The following PLXNA4 variants were observed in gnomAD, a reference collection of about 807,000 sequenced individuals.
The protein encoded by PLXNA4 is plexin A4.
PLXNA4 carries 44 observed loss-of-function variants against 191.8 expected under a neutral mutation model. The ratio of observed to expected loss-of-function variants is 0.23; its 90% CI spans 0.18 to 0.29. The LOEUF (loss-of-function observed/expected upper bound fraction) is 0.29, where lower values mean the gene tolerates loss of function less well. Ranked by LOEUF, PLXNA4 falls within the 10% of genes least tolerant of loss-of-function variation. The pLI is 1.00. For missense variants in PLXNA4, 1,800 were observed against 2,488.8 expected, an observed-to-expected ratio of 0.72 and a Z score of 5.89; for synonymous variants, 1,082 against 1,009.5, an observed-to-expected ratio of 1.07 and a Z score of -1.36.
intron 3 of PLXNA4, among the ~76,000 whole-genome samples, chr7:132,326,518 G>A (rs964072795): frequency 9.9e-5 from 15 of 151,886 alleles, no homozygotes; most frequent in African/African-American, 2.4e-4. Flanking sequence ...CTCATTTCCC[G>A]TCCTTCCCCT....
At chr7:132,477,985 T>C (rs1233319782) in intron 3 of PLXNA4, among the ~76,000 whole-genome samples, 1 of 152,128 alleles carries the variant, frequency 6.6e-6, no homozygotes, top group Non-Finnish European at 1.5e-5. Flanking sequence ...GAATCCACAT[T>C]TCCTACCCAA....
chr7:132,451,034 C>T (rs1796102392), intron 3 of PLXNA4, among the ~76,000 whole-genome samples: 1 of 152,062 alleles, frequency 6.6e-6, no homozygotes, highest in Admixed American at 6.5e-5. Flanking sequence ...GTAGATTATA[C>T]AAACCCAGAA....
chr7:132,226,215 C>T lies in PLXNA4; in HGVS notation c.1928G>A (p.Gly643Asp). ...VQLQLKSKETGMTFASTSFVF... is the reference protein window; with the variant it reads ...VQLQLKSKETDMTFASTSFVF... ...AAAGCTGGTGCTGGCGAAGGTCATG[C>T]CGGTCTCCTTTGATTTGAGCTGAAG... The change falls in exon 8 of 32, where the codon GGC becomes GAC. Residue 643 changes from glycine to aspartate, a missense_variant. By Grantham distance (94) the Gly-to-Asp change is moderately conservative. Coordinates refer to ENST00000321063, the MANE Select transcript of PLXNA4 (RefSeq NM_020911.2). The T allele has an allele frequency of 6.2e-7, 1 of 1,613,892 alleles. No individual in the cohort carries two copies. The highest frequency in any genetic ancestry group is 8.5e-7 in the Non-Finnish European group (1 of 1,179,956).
chr7:132,385,808 A>C lies in PLXNA4; in HGVS notation c.1372-87586T>G, dbSNP rs534828330. Among the ~76,000 whole-genome samples the C allele has an allele frequency of 3.3e-5, 5 of 152,350 alleles. No homozygotes were observed. The East Asian group carries it at 9.7e-4, about 29-fold the overall frequency. ...CCTGTGGCCAACCTTGCCCCTCACTAATAATTTGCACAAATTAAAAGATAA... is the reference window on the plus strand; with the variant it reads ...CCTGTGGCCAACCTTGCCCCTCACTCATAATTTGCACAAATTAAAAGATAA... On this transcript the variant is annotated intron_variant, in intron 3 of 31. Coordinates refer to ENST00000321063, the MANE Select transcript of PLXNA4 (RefSeq NM_020911.2).
At chr7:132,360,882 G>T (rs536722921) in intron 3 of PLXNA4, among the ~76,000 whole-genome samples, 1 of 152,298 alleles carries the variant, frequency 6.6e-6, no homozygotes, top group South Asian at 2.1e-4. Context: ...GGAGATGGGG[G>T]CCACATCTGC....
At chr7:132,456,744 A>G (rs531369849) in intron 3 of PLXNA4, among the ~76,000 whole-genome samples, 1 of 152,262 alleles carries the variant, frequency 6.6e-6, no homozygotes, top group Non-Finnish European at 1.5e-5. Context: ...TGACGAATCA[A>G]TCAGAAAGGC....
At chr7:132,219,573 T>G (rs962708274) in intron 9 of PLXNA4, among the ~76,000 whole-genome samples, 4 of 152,198 alleles carry the variant, frequency 2.6e-5, no homozygotes, top group Admixed American at 2.6e-4. Flanking sequence ...CAGATTATCG[T>G]GCTGTGAGTA....
chr7:132,590,078 A>G (rs80094064), intron 2 of PLXNA4, among the ~76,000 whole-genome samples: 4,901 of 152,332 alleles, frequency 0.032, 243 homozygotes, highest in African/African-American at 0.1. Context: ...ATACACACAT[A>G]ACAATTCAAC....
intron 1 of PLXNA4, among the ~76,000 whole-genome samples, chr7:132,517,658 C>T (rs1798994361): frequency 6.6e-6 from 1 of 152,212 alleles, no homozygotes; most frequent in South Asian, 2.1e-4. Flanking sequence ...TAGATGTCAG[C>T]AGCCCCCTCC....
chr7:132,632,503 C>T (rs1397611993), intron 2 of PLXNA4, among the ~76,000 whole-genome samples: 1 of 152,150 alleles, frequency 6.6e-6, no homozygotes, highest in East Asian at 1.9e-4. Flanking sequence ...AGCTTAGATG[C>T]ACCTGGTTCC....
At chr7:132,564,663 T>C (rs1801631636) in intron 1 of PLXNA4, among the ~76,000 whole-genome samples, 1 of 152,234 alleles carries the variant, frequency 6.6e-6, no homozygotes, top group African/African-American at 2.4e-5. Flanking sequence ...AAATATTGCT[T>C]GAATTGACTG....
chr7:132,401,908 C>T (rs532092358), intron 3 of PLXNA4, among the ~76,000 whole-genome samples: 1 of 152,204 alleles, frequency 6.6e-6, no homozygotes, highest in South Asian at 2.1e-4. Context: ...CTCAGATAAG[C>T]AAAAGAGGGG....
At chr7:132,188,998 GAGAGAGAGAGAGA>G (rs1454298528) in intron 14 of PLXNA4, among the ~76,000 whole-genome samples, 1 of 51,004 alleles carries the variant, frequency 2.0e-5, no homozygotes, top group Non-Finnish European at 4.0e-5. Context: ...GGAAAGGAGA[GAGAGAGAGAGAGA>G]GAGAGAGAGA....
chr7:132,350,867 C>CA (rs1035443054), intron 3 of PLXNA4, among the ~76,000 whole-genome samples: 1 of 151,842 alleles, frequency 6.6e-6, no homozygotes, highest in African/African-American at 2.4e-5. Context: ...TCAGAATAGC[C>CA]AAAAAAGGAA....
intron 2 of PLXNA4, among the ~76,000 whole-genome samples, chr7:132,633,353 G>A (rs1171660384): frequency 6.6e-6 from 1 of 150,960 alleles, no homozygotes; most frequent in African/African-American, 2.4e-5. Context: ...TTCGATCTTG[G>A]CTCAATGCAA....
At chr7:132,641,345 C>G (rs147755575) in intron 2 of PLXNA4, among the ~76,000 whole-genome samples, 11 of 152,306 alleles carry the variant, frequency 7.2e-5, no homozygotes, top group African/African-American at 2.4e-4. Context: ...AGGCCTCTCT[C>G]CTTGGCTTGC....
chr7:132,198,450 CCT>C (rs1797322499), intron 13 of PLXNA4, 33 bp downstream of exon 13: 1 of 1,606,092 alleles, frequency 6.2e-7, no homozygotes, highest in Non-Finnish European at 8.5e-7. Context: ...TCTTCCCTCC[CCT>C]GTTCCTCCTG....
chr7:132,588,486 G>A (rs537460183), intron 2 of PLXNA4, among the ~76,000 whole-genome samples: 11 of 151,906 alleles, frequency 7.2e-5, no homozygotes, highest in South Asian at 4.2e-4. Flanking sequence ...CACTTTCTTC[G>A]CCAGAAAATA....
chr7:132,452,931 G>T (rs945710211), intron 3 of PLXNA4, among the ~76,000 whole-genome samples: 3 of 152,176 alleles, frequency 2.0e-5, no homozygotes, highest in Admixed American at 6.5e-5. Context: ...TGGGGTAGAG[G>T]CGGGAACCTG....
Sources: allele counts gnomAD v4.1 joint callset (sites outside exome capture counted in the v4.1 genomes callset), GRCh38; gene constraint gnomAD v4.1.1; transcripts MANE v1.5; gene names NCBI Gene and HGNC (gene_info 2026-07-23, HGNC 2026-07-21).